The following ALDH7A1 variants were observed in gnomAD, a reference collection of about 807,000 sequenced individuals.
ALDH7A1 encodes the protein alpha-aminoadipic semialdehyde dehydrogenase.
Under a neutral mutation model 79.9 loss-of-function variants are expected in ALDH7A1, and 63 were observed. The observed-to-expected ratio is 0.79, with a 90% CI of 0.64 to 0.97. ALDH7A1 has a LOEUF of 0.97. Among genes scored for constraint, ALDH7A1 ranks in the 50% least tolerant of loss-of-function variants. ALDH7A1 has a pLI of 0.00. For synonymous variants in ALDH7A1, 240 were observed against 231.2 expected (o/e 1.04, Z -0.34); for missense variants, 627 against 665.2 (o/e 0.94, Z 0.63).
Position 126,582,570 on chromosome 5 carries a change from A to G in ALDH7A1, c.517+281T>C, listed in dbSNP as rs538723888. ...TCTTAAAACTGGGCTCTTTAAAGTT[A>G]GAGCTCTTTGGGTATATTTCCAAAT... On this transcript the variant is annotated intron_variant, in intron 5 of 17. Coordinates refer to ENST00000409134, the MANE Select transcript of ALDH7A1 (RefSeq NM_001182.5). Among the ~76,000 whole-genome samples the G allele has an allele frequency of 7.9e-5, 12 of 152,358 alleles. No homozygotes were observed. The South Asian group carries it at 2.3e-3, about 29-fold the overall frequency.
rs1437182225 is a variant in ALDH7A1 at position 126,544,350 on chromosome 5, G to T, written c.*615C>A. The T allele has an allele frequency of 6.4e-6, 1 of 156,008 alleles. No individual in the cohort carries two copies. The highest frequency in any genetic ancestry group is 1.4e-5 in the Non-Finnish European group (1 of 70,620). The allele number at this position is 156,008 out of a possible 1,614,324, so 9.7% of individuals were successfully genotyped here. On this transcript the variant is annotated 3_prime_UTR_variant, in exon 18 of 18. Coordinates refer to ENST00000409134, the MANE Select transcript of ALDH7A1 (RefSeq NM_001182.5). ...AGACTCCAGCACAGGAACAAAATCTGTCTACCCCAGAAATCTCTTCCAAGT... is the reference window on the plus strand; with the variant it reads ...AGACTCCAGCACAGGAACAAAATCTTTCTACCCCAGAAATCTCTTCCAAGT...
chr5:126,553,786 C>G (rs1287531661), intron 13 of ALDH7A1, among the ~76,000 whole-genome samples: 1 of 151,976 alleles, frequency 6.6e-6, no homozygotes, highest in Non-Finnish European at 1.5e-5. Context: ...TGCACTCCAG[C>G]CTAGGTGGCA....
intron 7 of ALDH7A1, among the ~76,000 whole-genome samples, chr5:126,573,496 G>A (rs1018438249): frequency 5.9e-5 from 9 of 151,784 alleles, no homozygotes; most frequent in East Asian, 5.8e-4. Context: ...TCAGGAGATC[G>A]AGACCATCCT....
rs1483780 is a variant in ALDH7A1 at position 126,543,857 on chromosome 5, C to T, written c.*1108G>A. Reference sequence around the variant, plus strand: ...GTGAACTTTGCCCAGCTCTCTATGACCACATGCTGCCACACACACTGAGGA... The same window carrying T: ...GTGAACTTTGCCCAGCTCTCTATGATCACATGCTGCCACACACACTGAGGA... On this transcript the variant is annotated 3_prime_UTR_variant, in exon 18 of 18. Transcript: ENST00000409134. 0.52 allele frequency: 78,807 copies of T among 151,914 alleles called. 21,091 individuals carry two copies. Among genetic ancestry groups the T allele is most frequent in the South Asian group, 0.62 (2,984 of 4,802 alleles). 9.4% of individuals were successfully genotyped at this position (151,914 alleles called of 1,614,324 possible).
intron 3 of ALDH7A1, chr5:126,584,399 C>T (rs1473858338): frequency 3.0e-5 from 8 of 270,170 alleles, no homozygotes; most frequent in South Asian, 2.0e-4. Flanking sequence ...TGGTGGCTCA[C>T]ACCTGTAATC....
intron 3 of ALDH7A1, among the ~76,000 whole-genome samples, chr5:126,591,684 T>A (rs866877659): frequency 1.8e-4 from 27 of 151,854 alleles, no homozygotes; most frequent in Admixed American, 2.0e-4. Context: ...AGGATGGGGG[T>A]AGTGGAAAGG....
Position 126,543,874 on chromosome 5 carries a change from C to A in ALDH7A1, c.*1091G>T, listed in dbSNP as rs1463565593. The A allele has an allele frequency of 6.6e-6, 1 of 151,950 alleles. No homozygotes were observed. The highest frequency in any genetic ancestry group is 1.5e-5 in the Non-Finnish European group (1 of 68,034). 9.4% of individuals were successfully genotyped at this position (151,950 alleles called of 1,614,324 possible). A position where few individuals can be genotyped will look rare whatever the true frequency, so the allele number is the denominator to read the frequency against. On this transcript the variant is annotated 3_prime_UTR_variant, in exon 18 of 18. Coordinates refer to ENST00000409134, the MANE Select transcript of ALDH7A1 (RefSeq NM_001182.5). ...CTCTATGACCACATGCTGCCACACA[C>A]ACTGAGGATTGAGAACAGATCCAAG...
At chr5:126,560,803 A>G (rs1750376927) in intron 10 of ALDH7A1, among the ~76,000 whole-genome samples, 1 of 152,232 alleles carries the variant, frequency 6.6e-6, no homozygotes, top group Non-Finnish European at 1.5e-5. Context: ...AGAAAAAACA[A>G]GAAATAATGC....
At position 126,550,237 on chromosome 5, in the gene ALDH7A1, G is replaced by A. The variant is rs978958073; in HGVS notation, c.1374C>T (p.Ser458=). 2.5e-6 allele frequency: 4 copies of A among 1,613,498 alleles called. No homozygotes were observed. The highest frequency in any genetic ancestry group is 3.3e-5 in the Admixed American group (2 of 60,012). Residue 458 remains serine, a synonymous_variant, in exon 15 of 18, where the codon AGC becomes AGT. Transcript: ENST00000409134. ...NNEVKQGLSS[S]IFTKDLGRIF... is the part of the protein sequence containing the mutation. ...TTCTGCCCAGATCTTTGGTAAAGAT[G>A]CTACTTGAAAGTCCCTGTTTTACTT...
chr5:126,594,317 G>A (rs1331637845), intron 1 of ALDH7A1: 1 of 468,014 alleles, frequency 2.1e-6, no homozygotes, highest in African/African-American at 2.0e-5. Context: ...ACTGAAGAAC[G>A]TTACCTGCGG....
At chr5:126,547,993 A>C (rs897664280) in intron 16 of ALDH7A1, among the ~76,000 whole-genome samples, 1 of 151,856 alleles carries the variant, frequency 6.6e-6, no homozygotes, top group Non-Finnish European at 1.5e-5. Flanking sequence ...TGGATGTTGC[A>C]GCGAGCCAAT....
chr5:126,565,185 G>C (rs1410810180), intron 9 of ALDH7A1, among the ~76,000 whole-genome samples: 1 of 152,044 alleles, frequency 6.6e-6, no homozygotes, highest in South Asian at 2.1e-4. Flanking sequence ...ACAAGGTCTG[G>C]AGTTTGAGAC....
intron 11 of ALDH7A1, among the ~76,000 whole-genome samples, chr5:126,557,746 T>C (rs936159557): frequency 6.6e-6 from 1 of 152,200 alleles, no homozygotes; most frequent in African/African-American, 2.4e-5. Flanking sequence ...AATTCCTTAA[T>C]AATTCAACTG....
chr5:126,590,039 C>T (rs187646963), intron 3 of ALDH7A1, among the ~76,000 whole-genome samples: 66 of 134,304 alleles, frequency 4.9e-4, no homozygotes, highest in Admixed American at 8.6e-4. Flanking sequence ...GCCCAGCTGC[C>T]GCCCCGTCTG....
intron 13 of ALDH7A1, 109 bp from the exon 14 acceptor site, chr5:126,552,246 T>C: frequency 1.3e-6 from 1 of 744,936 alleles, no homozygotes; most frequent in East Asian, 2.7e-5. Flanking sequence ...ATTAGCATCA[T>C]TTATAGGTGA....
At chr5:126,578,233 G>A (rs1044442544) in intron 5 of ALDH7A1, among the ~76,000 whole-genome samples, 5 of 152,064 alleles carry the variant, frequency 3.3e-5, no homozygotes, top group Admixed American at 6.6e-5. Flanking sequence ...AGGTTGCAGT[G>A]AGCCGAGATC....
intron 16 of ALDH7A1, among the ~76,000 whole-genome samples, chr5:126,547,958 G>A (rs11741551): frequency 1.7e-4 from 26 of 151,904 alleles, no homozygotes; most frequent in South Asian, 8.4e-4. Context: ...AGGTTGAGGC[G>A]GGAGAATTGC....
intron 7 of ALDH7A1, among the ~76,000 whole-genome samples, chr5:126,571,446 C>T (rs1750771379): frequency 6.7e-6 from 1 of 148,890 alleles, no homozygotes; most frequent in Non-Finnish European, 1.5e-5. Context: ...CCACTCACTC[C>T]AGCCTGGAAG....
At position 126,545,859 on chromosome 5, in the gene ALDH7A1, T is replaced by C. The variant is rs138509247; in HGVS notation, c.1565+465A>G. ...CCAGCATGGTGGCTCATGCCTGTAA[T>C]CCCAGGACTTTGAGAGGCCGAGGCA... On this transcript the variant is annotated intron_variant, in intron 17 of 17. Transcript: ENST00000409134. Among the ~76,000 whole-genome samples the C allele has an allele frequency of 7.4e-3, 1,092 of 148,474 alleles. 16 individuals carry two copies. Among genetic ancestry groups the C allele is most frequent in the African/African-American group, 0.026 (1,049 of 40,266 alleles).
Sources: allele counts gnomAD v4.1 joint callset (sites outside exome capture counted in the v4.1 genomes callset), GRCh38; gene constraint gnomAD v4.1.1; transcripts MANE v1.5; gene names NCBI Gene and HGNC (gene_info 2026-07-23, HGNC 2026-07-21).